The following SPATA6L variants were observed in gnomAD, a reference collection of about 807,000 sequenced individuals.
SPATA6L encodes spermatogenesis associated 6-like protein.
A neutral mutation model predicts 49.2 loss-of-function variants in SPATA6L; 68 were observed. The observed-to-expected ratio is 1.38, with a 90% CI of 1.14 to 1.69. The LOEUF is 1.69. Among genes scored for constraint, SPATA6L ranks in the 40% most tolerant of loss-of-function variants. The pLI, the probability that SPATA6L is intolerant of heterozygous loss-of-function variation, is 0.00. For synonymous variants in SPATA6L, 198 were observed against 165.7 expected (o/e 1.19, Z -1.50); for missense variants, 668 against 464.3 (o/e 1.44, Z -4.03).
intron 10 of SPATA6L, among the ~76,000 whole-genome samples, chr9:4,605,068 C>T (rs1824396224): frequency 6.6e-6 from 1 of 152,066 alleles, no homozygotes; most frequent in Non-Finnish European, 1.5e-5. Flanking sequence ...TTGAAAGGAC[C>T]TCTGCTTGAT....
intron 5 of SPATA6L, chr9:4,627,456 A>G (rs1260727919): frequency 4.2e-6 from 1 of 237,600 alleles, no homozygotes; most frequent in Non-Finnish European, 8.3e-6. Flanking sequence ...TCTGTAACAT[A>G]CAGCCCACAT....
intron 9 of SPATA6L, among the ~76,000 whole-genome samples, chr9:4,611,661 G>A (rs1285656441): frequency 8.8e-6 from 1 of 114,130 alleles, no homozygotes; most frequent in South Asian, 3.8e-4. Context: ...GGTGGGGGGA[G>A]GGGGGAGGGA....
Position 4,662,365 on chromosome 9 carries a change from C to G in SPATA6L, c.40-329G>C, listed in dbSNP as rs71496487. On this transcript the variant is annotated intron_variant, in intron 1 of 11. Coordinates refer to ENST00000682582, the MANE Select transcript of SPATA6L (RefSeq NM_001353486.2). The surrounding 1 kb of genome is among the most constrained non-coding windows in gnomAD (Gnocchi z 4.9). ...TCCGGCCAGGTCCCGGGATCCGGGC[C>G]GCCAGCTGCGATGCCAAGTCCCCGG... The G allele has an allele frequency of 7.3e-6, 11 of 1,497,238 alleles. No individual in the cohort carries two copies. Among genetic ancestry groups the G allele is most frequent in the South Asian group, 3.9e-5 (3 of 77,592 alleles). The allele number at this position is 1,497,238 out of a possible 1,614,324, so 92.7% of individuals were successfully genotyped here. A position where few individuals can be genotyped will look rare whatever the true frequency, so the allele number is the denominator to read the frequency against.
In SPATA6L at chr9:4,625,501, A is replaced by G; in HGVS notation, c.495T>C (p.Thr165=). 1 of 1,613,900 alleles carries G rather than the reference A, an allele frequency of 6.2e-7. No individual in the cohort carries two copies. Among genetic ancestry groups the G allele is most frequent in the Non-Finnish European group, 8.5e-7 (1 of 1,179,904 alleles). ...TSHEPIFPLN[T]IKMKLKENNL... Reference sequence around the variant, plus strand: ...TATTCTCCTTTAGTTTCATCTTTATAGTATTTAAGGGAAATATTGGTTCAT... The same window carrying G: ...TATTCTCCTTTAGTTTCATCTTTATGGTATTTAAGGGAAATATTGGTTCAT... The change falls in exon 6 of 12, where the codon ACT becomes ACC. Residue 165 remains threonine (T), a synonymous_variant. Transcript: ENST00000682582.
intron 4 of SPATA6L, among the ~76,000 whole-genome samples, chr9:4,634,209 C>T (rs1170277498): frequency 6.6e-6 from 1 of 152,184 alleles, no homozygotes; most frequent in Non-Finnish European, 1.5e-5. Context: ...TATCCCCTAC[C>T]TAATTCTCAT....
intron 9 of SPATA6L, among the ~76,000 whole-genome samples, chr9:4,609,836 G>C (rs1228435346): frequency 1.3e-5 from 2 of 150,506 alleles, no homozygotes; most frequent in Non-Finnish European, 2.9e-5. Context: ...TATTCAATTG[G>C]GAAAAGAAGA....
intron 3 of SPATA6L, among the ~76,000 whole-genome samples, chr9:4,638,298 G>C (rs1331378715): frequency 6.6e-6 from 1 of 152,062 alleles, no homozygotes; most frequent in African/African-American, 2.4e-5. Context: ...TGCTACCTCT[G>C]CCTCCTGGGT....
At chr9:4,601,314 C>G (rs1823200432) in intron 11 of SPATA6L, among the ~76,000 whole-genome samples, 1 of 151,136 alleles carries the variant, frequency 6.6e-6, no homozygotes, top group Admixed American at 6.6e-5. Flanking sequence ...GATTTCACGG[C>G]AATTATGCCT....
At position 4,666,328 on chromosome 9, in the gene SPATA6L, G is replaced by T; in HGVS notation, c.-78C>A. 6.8e-7 allele frequency: 1 copy of T among 1,465,730 alleles called. No homozygotes were observed. 90.8% of individuals were successfully genotyped at this position (1,465,730 alleles called of 1,614,324 possible). ...CCTTGGACCAATTTTTCTTAGTTTA[G>T]CTGAATACCTAGAGCAAATGTTCCC... is the stretch of plus-strand genomic sequence containing the variant. On this transcript the variant is annotated 5_prime_UTR_variant, in exon 1 of 12. Coordinates refer to ENST00000682582, the MANE Select transcript of SPATA6L (RefSeq NM_001353486.2).
chr9:4,638,615 T>C (rs1019372726), intron 3 of SPATA6L, among the ~76,000 whole-genome samples: 1 of 152,032 alleles, frequency 6.6e-6, no homozygotes, highest in African/African-American at 2.4e-5. Flanking sequence ...ATGGGTATAA[T>C]CCTCCCACCC....
chr9:4,591,911 A>G (rs1397869583), intron 13 of SPATA6L, among the ~76,000 whole-genome samples: 1 of 152,172 alleles, frequency 6.6e-6, no homozygotes, highest in African/African-American at 2.4e-5. Context: ...AAGGCAAATC[A>G]ACGTCCAGTT....
At chr9:4,611,999 C>A (rs1299229545) in intron 9 of SPATA6L, among the ~76,000 whole-genome samples, 1 of 151,446 alleles carries the variant, frequency 6.6e-6, no homozygotes, top group Non-Finnish European at 1.5e-5. Context: ...GTACATGTTG[C>A]CATGCCTGGC....
intron 2 of SPATA6L, among the ~76,000 whole-genome samples, chr9:4,659,527 G>C (rs1372186225): frequency 1.3e-5 from 2 of 152,086 alleles, no homozygotes; most frequent in African/African-American, 4.8e-5. Flanking sequence ...AAATAAAAAA[G>C]AGGACACAAA....
chr9:4,606,205 G>C lies in SPATA6L; in HGVS notation c.996-765C>G, dbSNP rs998456456. 3.9e-4 allele frequency among the ~76,000 whole-genome samples: 58 copies of C among 150,250 alleles called. No individual in the cohort carries two copies. In the South Asian group the frequency reaches 4.8e-3, roughly 13 times the overall value. On this transcript the variant is annotated intron_variant, in intron 9 of 11. Transcript: ENST00000682582. ...GCAGTCTGAGATCAAACTGCAAGGC[G>C]GCAGCGAGGCTGGGGGAGGGGCGCC...
At chr9:4,610,812 T>G (rs1175703420) in intron 9 of SPATA6L, among the ~76,000 whole-genome samples, 2 of 152,130 alleles carry the variant, frequency 1.3e-5, no homozygotes, top group African/African-American at 4.8e-5. Flanking sequence ...CTAATTCAAC[T>G]AAACAGCTTC....
Position 4,646,558 on chromosome 9 carries a change from T to C in SPATA6L, c.226+9483A>G, listed in dbSNP as rs1017206865. ...AAAGGAAAAAATGAGATTTTAATAC[T>C]TCCAAAAATTGCCACAGTCTTTCAA... On this transcript the variant is annotated intron_variant, in intron 3 of 11. Transcript: ENST00000682582. The C allele has an allele frequency of 2.8e-6, 4 of 1,411,728 alleles. No homozygotes were observed. The East Asian group carries it at 1.1e-4, about 37-fold the overall frequency. 87.5% of individuals were successfully genotyped at this position (1,411,728 alleles called of 1,614,324 possible).
intron 4 of SPATA6L, among the ~76,000 whole-genome samples, chr9:4,630,214 C>T (rs528789820): frequency 2.0e-5 from 3 of 152,156 alleles, no homozygotes; most frequent in African/African-American, 4.8e-5. Flanking sequence ...CTACATCCTG[C>T]TCGTAGCAGT....
chr9:4,655,741 G>C (rs1281569851), intron 3 of SPATA6L, among the ~76,000 whole-genome samples: 2 of 151,952 alleles, frequency 1.3e-5, no homozygotes, highest in African/African-American at 4.8e-5. Context: ...AGTAGAGATG[G>C]GGTTTCACCA....
At chr9:4,621,322 C>G (rs781053252) in intron 7 of SPATA6L, among the ~76,000 whole-genome samples, 33 of 152,186 alleles carry the variant, frequency 2.2e-4, no homozygotes, top group Non-Finnish European at 4.6e-4. Context: ...CCCAGGGGTA[C>G]CCAAGACCTT....
Sources: allele counts gnomAD v4.1 joint callset (sites outside exome capture counted in the v4.1 genomes callset), GRCh38; gene constraint gnomAD v4.1.1; non-coding constraint Gnocchi (gnomAD v3.1); transcripts MANE v1.5; gene names NCBI Gene and HGNC (gene_info 2026-07-23, HGNC 2026-07-21).